ZSCAN21: variants seen among roughly 807,000 people sequenced by gnomAD.
ZSCAN21 encodes zinc finger and SCAN domain-containing protein 21.
In ZSCAN21, 26 loss-of-function variants were observed where a neutral mutation model predicts 35.6. The ratio of observed to expected loss-of-function variants is 0.73; its 90% CI spans 0.54 to 1.01. The LOEUF (loss-of-function observed/expected upper bound fraction) is 1.01. Among genes scored for constraint, ZSCAN21 ranks in the 50% least tolerant of loss-of-function variants. The pLI is 0.00. For missense variants in ZSCAN21, 593 were observed against 587.1 expected, an observed-to-expected ratio of 1.01 and a Z score of -0.10; for synonymous variants, 219 against 219.3, an observed-to-expected ratio of 1.00 and a Z score of 0.01.
In ZSCAN21 at chr7:100,057,824, G is replaced by A. The variant is rs61740706; in HGVS notation, c.526G>A (p.Gly176Arg). 98 of 1,613,952 alleles carry A rather than the reference G, an allele frequency of 6.1e-5. No individual in the cohort carries two copies. The African/African-American group carries it at 1.2e-3, about 20-fold the overall frequency. Residue 176 changes from glycine (G) to arginine (R), a missense_variant, in exon 3 of 4, where the codon GGG becomes AGG. Physicochemically the swap from Gly to Arg is moderately radical, Grantham distance 125 (BLOSUM62 -2). Transcript: ENST00000292450. ...LETSHKYESWGPLYIQESGEE... is the reference protein window; with the variant it reads ...LETSHKYESWRPLYIQESGEE... ...GACCAGTCACAAATACGAGTCTTGG[G>A]GGCCCCTGTACATCCAAGAGTCTGG...
chr7:100,055,026 G>C (rs1295071303), intron 1 of ZSCAN21, among the ~76,000 whole-genome samples: 1 of 147,974 alleles, frequency 6.8e-6, no homozygotes, highest in Non-Finnish European at 1.5e-5. Context: ...TGCAATCTTG[G>C]CTCACTGCAT....
chr7:100,058,456 C>G (rs1366613592), intron 3 of ZSCAN21, among the ~76,000 whole-genome samples: 1 of 152,192 alleles, frequency 6.6e-6, no homozygotes, highest in East Asian at 1.9e-4. Context: ...ACTCAGTTGG[C>G]AGCCAGAGGG....
At chr7:100,056,819 A>G (rs1031115702) in intron 1 of ZSCAN21, 92 bp from the exon 2 acceptor site, 2 of 588,032 alleles carry the variant, frequency 3.4e-6, no homozygotes, top group Non-Finnish European at 5.8e-6. Context: ...TGGTGGACAT[A>G]ATTTCCACAA....
rs780266945 is a variant in ZSCAN21, at chr7:100,064,465, G to C, written c.1270G>C (p.Ala424Pro). The change falls in exon 4 of 4, where the codon GCC becomes CCC. Residue 424 changes from alanine to proline, a missense_variant. By Grantham distance (27) the Ala-to-Pro change is conservative (BLOSUM62 -1). Transcript: ENST00000292450. ...ATATAAGTGTAAGGAGTGTGGGAAAGCCTTCAACCACAGCTCCAACTTCAA... is the reference window on the plus strand; with the variant it reads ...ATATAAGTGTAAGGAGTGTGGGAAACCCTTCAACCACAGCTCCAACTTCAA... The part of the protein sequence containing the change: ...KPYKCKECGK[A>P]FNHSSNFNKH... The C allele has an allele frequency of 2.5e-6, 4 of 1,613,934 alleles. No individual in the cohort carries two copies. The South Asian group carries it at 3.3e-5, about 13-fold the overall frequency.
chr7:100,064,675 A>G lies in ZSCAN21; in HGVS notation c.*58A>G, dbSNP rs779291015. The stretch of plus-strand genomic sequence containing the variant: ...AAACTTTAGAATCTGAAAACCAGAA[A>G]GAAGTCTTGTCATTGCAGCAGCATC... On this transcript the variant is annotated 3_prime_UTR_variant, in exon 4 of 4. Coordinates refer to ENST00000292450, the MANE Select transcript of ZSCAN21 (RefSeq NM_145914.3). 6.2e-7 allele frequency: 1 copy of G among 1,603,610 alleles called. No homozygotes were observed. The highest frequency in any genetic ancestry group is 8.5e-7 in the Non-Finnish European group (1 of 1,174,032).
chr7:100,051,282 C>CTTTTTTTCTTTTTTTTTTTTTTTTTTTTT (rs1791864490), intron 1 of ZSCAN21, among the ~76,000 whole-genome samples: 1 of 34,948 alleles, frequency 2.9e-5, no homozygotes, highest in Non-Finnish European at 5.2e-5. Flanking sequence ...TAGGGATTTT[C>CTTTTTTTCTTTTTTTTTTTTTTTTTTTTT]TTTTTTTTTT....
Position 100,053,546 on chromosome 7 carries a change from A to ATACATACATAAT in ZSCAN21, c.-96-3364_-96-3363insACATACATAATT, listed in dbSNP as rs755978112. Among the ~76,000 whole-genome samples, 115 of 79,510 alleles carry ATACATACATAAT rather than the reference A, an allele frequency of 1.4e-3. 3 individuals carry two copies. Among genetic ancestry groups the ATACATACATAAT allele is most frequent in the African/African-American group, 5.6e-3 (100 of 17,830 alleles). The allele number at this position is 79,510 out of a possible 152,430, so 52.2% of individuals were successfully genotyped here. The stretch of plus-strand genomic sequence containing the variant: ...ACATACATACATACATACATACATA[A>ATACATACATAAT]TTTTTTTTTTTTTTTTTTTTTTGCA... On this transcript the variant is annotated intron_variant, in intron 1 of 3. Coordinates refer to ENST00000292450, the MANE Select transcript of ZSCAN21 (RefSeq NM_145914.3).
chr7:100,064,645 G>GT lies in ZSCAN21; in HGVS notation c.*32dup. On this transcript the variant is annotated 3_prime_UTR_variant, in exon 4 of 4. Transcript: ENST00000292450. ...TTCAAGCGCTCCTGTTGTTGTCGTT[G>GT]TTTTAAACTTTAGAATCTGAAAACC... 1 of 1,603,314 alleles carries GT rather than the reference G, an allele frequency of 6.2e-7. No homozygotes were observed. Among genetic ancestry groups the GT allele is most frequent in the Non-Finnish European group, 8.5e-7 (1 of 1,174,272 alleles).
chr7:100,056,869 A>G (rs1792091521), intron 1 of ZSCAN21, 42 bp from the exon 2 acceptor site: 1 of 934,726 alleles, frequency 1.1e-6, no homozygotes, highest in Non-Finnish European at 1.6e-6. Context: ...ACCCAAAAAC[A>G]CTTTTCAGTT....
Position 100,064,908 on chromosome 7 carries a change from C to A in ZSCAN21, c.*291C>A. On this transcript the variant is annotated 3_prime_UTR_variant, in exon 4 of 4. Coordinates refer to ENST00000292450, the MANE Select transcript of ZSCAN21 (RefSeq NM_145914.3). ...TTTGCGTAGTTAAACAGACGTGTATCCAGTCTAGTTAAGGAAGAAACATTA... is the reference window on the plus strand; with the variant it reads ...TTTGCGTAGTTAAACAGACGTGTATACAGTCTAGTTAAGGAAGAAACATTA... 1 of 1,613,724 alleles carries A rather than the reference C, an allele frequency of 6.2e-7. No homozygotes were observed. The highest frequency in any genetic ancestry group is 1.1e-5 in the South Asian group (1 of 91,022).
intron 3 of ZSCAN21, among the ~76,000 whole-genome samples, chr7:100,063,081 A>G (rs1792412174): frequency 6.6e-6 from 1 of 151,968 alleles, no homozygotes; most frequent in African/African-American, 2.4e-5. Flanking sequence ...TTTTTGTAGA[A>G]ATGGGGTCTC....
chr7:100,058,050 C>T (rs1792145814), intron 3 of ZSCAN21, among the ~76,000 whole-genome samples, 160 bp downstream of exon 3: 1 of 152,122 alleles, frequency 6.6e-6, no homozygotes, highest in African/African-American at 2.4e-5. Context: ...CCAAGTAAGG[C>T]TGTCTTAACC....
Position 100,056,935 on chromosome 7 carries a change from T to C in ZSCAN21, c.-72T>C, listed in dbSNP as rs1403494407. 2.1e-6 allele frequency: 3 copies of C among 1,458,032 alleles called. No homozygotes were observed. The highest frequency in any genetic ancestry group is 1.5e-5 in the South Asian group (1 of 68,790). The allele number at this position is 1,458,032 out of a possible 1,614,324, so 90.3% of individuals were successfully genotyped here. On this transcript the variant is annotated 5_prime_UTR_variant, in exon 2 of 4. Transcript: ENST00000292450. ...GGTTTAACTTGTGGCCCTAAAGAAC[T>C]GGAAACCCAAAGGAACGAATATTCC...
chr7:100,058,892 A>G (rs973263838), intron 3 of ZSCAN21, among the ~76,000 whole-genome samples: 2 of 152,300 alleles, frequency 1.3e-5, no homozygotes, highest in African/African-American at 4.8e-5. Flanking sequence ...ACAGGGTCTC[A>G]CTATGTTGCC....
intron 3 of ZSCAN21, among the ~76,000 whole-genome samples, chr7:100,060,754 G>A (rs1792257204): frequency 6.6e-6 from 1 of 151,154 alleles, no homozygotes; most frequent in Non-Finnish European, 1.5e-5. Context: ...CAGCTACTCG[G>A]GAGGCTGAGG....
chr7:100,064,080 C>T lies in ZSCAN21; in HGVS notation c.885C>T (p.His295=). 6.2e-7 allele frequency: 1 copy of T among 1,614,128 alleles called. No homozygotes were observed. Among genetic ancestry groups the T allele is most frequent in the Non-Finnish European group, 8.5e-7 (1 of 1,180,026 alleles). The part of the protein sequence containing the change: ...AFSNSSNLTK[H]RRTHTGEKPY... ...GTAATAGCTCAAATCTCACCAAACA[C>T]AGGAGAACACACACTGGGGAGAAAC... The change falls in exon 4 of 4, where the codon CAC becomes CAT. Residue 295 remains histidine (H), a synonymous_variant. Transcript: ENST00000292450.
chr7:100,062,747 T>C (rs571207973), intron 3 of ZSCAN21, among the ~76,000 whole-genome samples: 89 of 152,030 alleles, frequency 5.9e-4, no homozygotes, highest in African/African-American at 2.1e-3. Flanking sequence ...TGGTGCCAGG[T>C]GCTTCTAGTC....
chr7:100,054,949 T>A (rs1259777405), intron 1 of ZSCAN21, among the ~76,000 whole-genome samples: 2 of 140,396 alleles, frequency 1.4e-5, no homozygotes, highest in Non-Finnish European at 3.0e-5. Context: ...AAACTACTTA[T>A]GATCTCTCTT....
At chr7:100,062,356 T>C (rs1792350829) in intron 3 of ZSCAN21, among the ~76,000 whole-genome samples, 1 of 149,342 alleles carries the variant, frequency 6.7e-6, no homozygotes, top group Non-Finnish European at 1.5e-5. Flanking sequence ...TTCGGGAGGC[T>C]GAGGCGGGCA....
Sources: allele counts gnomAD v4.1 joint callset (sites outside exome capture counted in the v4.1 genomes callset), GRCh38; gene constraint gnomAD v4.1.1; transcripts MANE v1.5; gene names NCBI Gene and HGNC (gene_info 2026-07-23, HGNC 2026-07-21).